The following IQCM variants were observed in gnomAD, a reference collection of about 807,000 sequenced individuals.
The protein encoded by IQCM is IQ domain-containing protein M.
A neutral mutation model predicts 57.6 loss-of-function variants in IQCM; 45 were observed. That is an observed-to-expected ratio of 0.78 (90% CI 0.62 to 1.00). The LOEUF is 1.00. Ranked by LOEUF, IQCM falls within the 50% of genes least tolerant of loss-of-function variation. The pLI is 0.00. For missense variants in IQCM, 468 were observed against 511.6 expected, an observed-to-expected ratio of 0.91 and a Z score of 0.82; for synonymous variants, 148 against 158.9, an observed-to-expected ratio of 0.93 and a Z score of 0.51.
chr4:149,441,951 T>G (rs1466923666), intron 12 of IQCM, among the ~76,000 whole-genome samples: 1 of 152,112 alleles, frequency 6.6e-6, no homozygotes, highest in Non-Finnish European at 1.5e-5. Context: ...CCTTCCACCA[T>G]GTAATCATAG....
chr4:149,582,344 A>T (rs866446056), intron 9 of IQCM, among the ~76,000 whole-genome samples: 5 of 42,950 alleles, frequency 1.2e-4, no homozygotes, highest in Admixed American at 2.3e-4. Context: ...ATATATATAT[A>T]TATATATATA....
At chr4:149,389,038 C>A (rs1057447220) in intron 13 of IQCM, among the ~76,000 whole-genome samples, 1 of 151,188 alleles carries the variant, frequency 6.6e-6, no homozygotes, top group Non-Finnish European at 1.5e-5. Flanking sequence ...CTTTTTTTGT[C>A]TCATAGTCAA....
chr4:149,491,666 A>G (rs1159250071), intron 12 of IQCM, among the ~76,000 whole-genome samples: 1 of 152,134 alleles, frequency 6.6e-6, no homozygotes, highest in East Asian at 1.9e-4. Context: ...ATTTATGGAT[A>G]CTTAGGTTGA....
At chr4:149,621,956 G>A (rs1561070842) in intron 7 of IQCM, among the ~76,000 whole-genome samples, 1 of 151,928 alleles carries the variant, frequency 6.6e-6, no homozygotes, top group Non-Finnish European at 1.5e-5. Flanking sequence ...CTTCATATAT[G>A]TATATATATG....
At chr4:149,478,312 G>A (rs554690925) in intron 12 of IQCM, among the ~76,000 whole-genome samples, 1 of 152,240 alleles carries the variant, frequency 6.6e-6, no homozygotes, top group South Asian at 2.1e-4. Context: ...AATGGCAGGT[G>A]CAAGATTGCA....
intron 12 of IQCM, among the ~76,000 whole-genome samples, chr4:149,469,098 A>G (rs867658177): frequency 1.3e-5 from 2 of 152,216 alleles, no homozygotes; most frequent in African/African-American, 4.8e-5. Flanking sequence ...CCTCGCCAGC[A>G]ATGGAACAAA....
chr4:149,627,178 T>A (rs2150085305), intron 7 of IQCM, among the ~76,000 whole-genome samples: 1 of 152,242 alleles, frequency 6.6e-6, no homozygotes, highest in Middle Eastern at 3.4e-3. Flanking sequence ...ATGGAGATTG[T>A]AATTTTTCAT....
rs1180070506 is a variant in IQCM, at chr4:149,570,960, CAT to C, written c.750-7072_750-7071del. Among the ~76,000 whole-genome samples the C allele has an allele frequency of 2.0e-5, 3 of 152,120 alleles. No individual in the cohort carries two copies. The East Asian group carries it at 5.8e-4, about 29-fold the overall frequency. On this transcript the variant is annotated intron_variant, in intron 9 of 13. Coordinates refer to ENST00000636793, the MANE Select transcript of IQCM (RefSeq NM_001363507.2). ...AAGCACAATGAGTTATCACCTCACA[CAT>C]GTTAGAATTTACTATCAGAAAGAGA...
At chr4:149,353,655 C>T (rs1728726937) in intron 13 of IQCM, among the ~76,000 whole-genome samples, 1 of 152,152 alleles carries the variant, frequency 6.6e-6, no homozygotes, top group South Asian at 2.1e-4. Context: ...ACTTGAAAGA[C>T]ATTAAGTGAA....
chr4:149,394,817 C>T (rs1732114450), intron 13 of IQCM, among the ~76,000 whole-genome samples: 1 of 151,990 alleles, frequency 6.6e-6, no homozygotes, highest in African/African-American at 2.4e-5. Context: ...CTAATCTCTT[C>T]ATCTTGGGGA....
intron 2 of IQCM, among the ~76,000 whole-genome samples, chr4:149,797,761 G>A (rs1345836364): frequency 6.6e-6 from 1 of 151,280 alleles, no homozygotes; most frequent in African/African-American, 2.4e-5. Flanking sequence ...GACAGACTAG[G>A]AAATAGTGGC....
At chr4:149,480,254 A>G (rs188183218) in intron 12 of IQCM, among the ~76,000 whole-genome samples, 10 of 152,280 alleles carry the variant, frequency 6.6e-5, no homozygotes, top group Admixed American at 2.0e-4. Flanking sequence ...GATGCAATGC[A>G]TAATAAACAA....
chr4:149,784,942 T>C (rs1212425547), intron 2 of IQCM, among the ~76,000 whole-genome samples: 1 of 152,202 alleles, frequency 6.6e-6, no homozygotes, highest in Non-Finnish European at 1.5e-5. Context: ...AATGAATAGA[T>C]AAGTTAATGA....
At chr4:149,769,674 G>T (rs7674846) in intron 2 of IQCM, among the ~76,000 whole-genome samples, 64 of 151,936 alleles carry the variant, frequency 4.2e-4, no homozygotes, top group African/African-American at 1.5e-3. Flanking sequence ...AAAGAATATT[G>T]CCAGGGATAA....
At chr4:149,463,103 T>A (rs1055122938) in intron 12 of IQCM, among the ~76,000 whole-genome samples, 1 of 152,212 alleles carries the variant, frequency 6.6e-6, no homozygotes, top group African/African-American at 2.4e-5. Context: ...AAAAATTTTT[T>A]AAAAAGACAT....
At chr4:149,593,698 G>T (rs1403207964) in intron 8 of IQCM, among the ~76,000 whole-genome samples, 2 of 152,040 alleles carry the variant, frequency 1.3e-5, no homozygotes, top group Non-Finnish European at 2.9e-5. Flanking sequence ...GGCCTTTTCT[G>T]CATCTACTGA....
chr4:149,628,274 C>T (rs1186950082), intron 7 of IQCM, among the ~76,000 whole-genome samples: 2 of 151,996 alleles, frequency 1.3e-5, no homozygotes, highest in Admixed American at 1.3e-4. Flanking sequence ...AATAAGCCAA[C>T]TCTTTGAAAT....
At chr4:149,742,514 T>A in intron 3 of IQCM, 141 bp downstream of exon 3, 1 of 470,138 alleles carries the variant, frequency 2.1e-6, no homozygotes, top group Non-Finnish European at 3.4e-6. Context: ...TGGTTATTTT[T>A]AAATAAAGGG....
chr4:149,417,289 A>C (rs1733811210), intron 13 of IQCM, among the ~76,000 whole-genome samples: 1 of 152,162 alleles, frequency 6.6e-6, no homozygotes, highest in Non-Finnish European at 1.5e-5. Context: ...GTCCTTAAGA[A>C]TCCTTTAGAA....
Sources: allele counts gnomAD v4.1 joint callset (sites outside exome capture counted in the v4.1 genomes callset), GRCh38; gene constraint gnomAD v4.1.1; transcripts MANE v1.5; gene names NCBI Gene and HGNC (gene_info 2026-07-23, HGNC 2026-07-21).